The following MAP3K5 variants were observed in gnomAD, a reference collection of about 807,000 sequenced individuals.
MAP3K5 encodes the protein ASK-1.
MAP3K5 carries 56 observed loss-of-function variants against 158.7 expected under a neutral mutation model. That is an observed-to-expected ratio of 0.35 (90% CI 0.28 to 0.44). The LOEUF (loss-of-function observed/expected upper bound fraction) is 0.44, where lower values mean the gene tolerates loss of function less well. Ranked by LOEUF, MAP3K5 falls within the 20% of genes least tolerant of loss-of-function variation. The pLI, the probability that MAP3K5 is intolerant of heterozygous loss-of-function variation, is 1.00. For missense variants in MAP3K5, 1,294 were observed against 1,674.8 expected, an observed-to-expected ratio of 0.77 and a Z score of 3.97; for synonymous variants, 579 against 601.7, an observed-to-expected ratio of 0.96 and a Z score of 0.55.
intron 27 of MAP3K5, among the ~76,000 whole-genome samples, 178 bp downstream of exon 27, chr6:136,562,325 G>T (rs967329995): frequency 1.3e-5 from 2 of 151,844 alleles, no homozygotes; most frequent in African/African-American, 2.4e-5. Flanking sequence ...GCACTTATAA[G>T]AAATGAGTTT....
At chr6:136,690,715 C>A (rs759669937) in intron 7 of MAP3K5, among the ~76,000 whole-genome samples, 6 of 151,944 alleles carry the variant, frequency 3.9e-5, no homozygotes, top group Non-Finnish European at 7.4e-5. Context: ...GAATACATAT[C>A]CTATATTGGT....
intron 15 of MAP3K5, among the ~76,000 whole-genome samples, chr6:136,621,268 C>T (rs1230960598): frequency 6.6e-6 from 1 of 152,128 alleles, no homozygotes; most frequent in Admixed American, 6.5e-5. Context: ...TGATCTCCAG[C>T]ATTTTTAAAA....
At position 136,687,721 on chromosome 6, in the gene MAP3K5, A is replaced by G. The variant is rs1208947314; in HGVS notation, c.1253+6419T>C. 3.3e-5 allele frequency among the ~76,000 whole-genome samples: 5 copies of G among 152,342 alleles called. No individual in the cohort carries two copies. The East Asian group carries it at 9.6e-4, about 29-fold the overall frequency. On this transcript the variant is annotated intron_variant, in intron 7 of 29. Transcript: ENST00000359015. ...AAACGCCAATCAAAACCAAAATGAGATACCATCTCATGCCAGTTAGAACGG... is the reference window on the plus strand; with the variant it reads ...AAACGCCAATCAAAACCAAAATGAGGTACCATCTCATGCCAGTTAGAACGG...
At chr6:136,667,780 G>A (rs556190473) in intron 8 of MAP3K5, among the ~76,000 whole-genome samples, 1 of 151,834 alleles carries the variant, frequency 6.6e-6, no homozygotes, top group East Asian at 1.9e-4. Context: ...AAGTCTTGGG[G>A]GTCGAGGCTG....
At chr6:136,590,314 A>C (rs942385025) in intron 23 of MAP3K5, among the ~76,000 whole-genome samples, 2 of 152,114 alleles carry the variant, frequency 1.3e-5, no homozygotes, top group Non-Finnish European at 2.9e-5. Flanking sequence ...CAGAAAATGG[A>C]CTAAAACACA....
rs542365105 is a variant in MAP3K5, at chr6:136,754,627, G to A, written c.449-34038C>T. ...AGAAAAGAAAATCCTGTTTGAAGGT[G>A]GATTATAGGGCTCCCCCACCCTATG... On this transcript the variant is annotated intron_variant, in intron 1 of 29. Coordinates refer to ENST00000359015, the MANE Select transcript of MAP3K5 (RefSeq NM_005923.4). 1.4e-4 allele frequency among the ~76,000 whole-genome samples: 21 copies of A among 151,852 alleles called. No individual in the cohort carries two copies. The South Asian group carries it at 4.4e-3, about 32-fold the overall frequency.
At chr6:136,771,102 G>A (rs1479971138) in intron 1 of MAP3K5, among the ~76,000 whole-genome samples, 1 of 152,130 alleles carries the variant, frequency 6.6e-6, no homozygotes, top group East Asian at 1.9e-4. Context: ...CAGGTATGGA[G>A]AGTAGAGCAG....
intron 23 of MAP3K5, among the ~76,000 whole-genome samples, chr6:136,589,472 C>T (rs191761958): frequency 2.0e-5 from 3 of 152,196 alleles, no homozygotes; most frequent in African/African-American, 7.2e-5. Context: ...TCTCCTGGTG[C>T]ATATTTGGGA....
At chr6:136,617,276 A>T (rs1474744329) in intron 15 of MAP3K5, among the ~76,000 whole-genome samples, 1 of 152,238 alleles carries the variant, frequency 6.6e-6, no homozygotes, top group Admixed American at 6.5e-5. Context: ...GGATGGAATT[A>T]TAATTTGTTC....
rs891021514 is a variant in MAP3K5 at position 136,609,529 on chromosome 6, G to A, written c.2521+1753C>T. The stretch of plus-strand genomic sequence containing the variant: ...GAGTTCTGGCTAGGCGTGGGGGTTC[G>A]CACATGTAATCCCAGCACTTTGGGA... On this transcript the variant is annotated intron_variant, in intron 18 of 29. Coordinates refer to ENST00000359015, the MANE Select transcript of MAP3K5 (RefSeq NM_005923.4). The surrounding 1 kb of genome is among the most constrained non-coding windows in gnomAD (Gnocchi z 4.4). Among the ~76,000 whole-genome samples the A allele has an allele frequency of 1.3e-5, 2 of 152,006 alleles. No individual in the cohort carries two copies. Among genetic ancestry groups the A allele is most frequent in the Non-Finnish European group, 1.5e-5 (1 of 68,010 alleles).
At chr6:136,637,539 C>A in intron 13 of MAP3K5, 133 bp from the exon 14 acceptor site, 1 of 557,128 alleles carries the variant, frequency 1.8e-6, no homozygotes, top group Non-Finnish European at 3.2e-6. Context: ...AACACACTAT[C>A]AAGATCATGT....
At chr6:136,758,952 C>T (rs1300241455) in intron 1 of MAP3K5, among the ~76,000 whole-genome samples, 1 of 152,172 alleles carries the variant, frequency 6.6e-6, no homozygotes, top group Non-Finnish European at 1.5e-5. Flanking sequence ...GCAGGCAGAT[C>T]ACTTGAGGCC....
intron 18 of MAP3K5, among the ~76,000 whole-genome samples, chr6:136,607,737 CATTT>C (rs1442330672): frequency 2.0e-5 from 3 of 151,958 alleles, no homozygotes; most frequent in Non-Finnish European, 4.4e-5. Flanking sequence ...TTCACTCATT[CATTT>C]AACAGATCCA....
intron 19 of MAP3K5, among the ~76,000 whole-genome samples, chr6:136,603,520 G>A (rs1050935936): frequency 1.3e-5 from 2 of 151,904 alleles, no homozygotes; most frequent in Admixed American, 1.3e-4. Flanking sequence ...TGAGGAAACT[G>A]AGGCACAAGC....
chr6:136,645,398 C>T (rs1778203010), intron 11 of MAP3K5, among the ~76,000 whole-genome samples: 1 of 152,076 alleles, frequency 6.6e-6, no homozygotes, highest in Non-Finnish European at 1.5e-5. Context: ...CTGTGAGTGG[C>T]CACTGGCTGG....
intron 2 of MAP3K5, among the ~76,000 whole-genome samples, chr6:136,717,128 C>T (rs1310657498): frequency 6.6e-6 from 1 of 151,698 alleles, no homozygotes; most frequent in Non-Finnish European, 1.5e-5. Context: ...AATCAACTTC[C>T]TTCTCTCAAA....
At chr6:136,724,116 A>G (rs1781857106) in intron 1 of MAP3K5, among the ~76,000 whole-genome samples, 1 of 152,232 alleles carries the variant, frequency 6.6e-6, no homozygotes, top group Admixed American at 6.5e-5. Flanking sequence ...AGAGACATGC[A>G]AAGAAAAATA....
chr6:136,600,187 ATTTTT>A (rs907571176), intron 21 of MAP3K5, among the ~76,000 whole-genome samples: 2 of 132,738 alleles, frequency 1.5e-5, no homozygotes, highest in Non-Finnish European at 1.6e-5. Context: ...CATGCTGTTA[ATTTTT>A]TTTTTTTTTT....
At position 136,558,113 on chromosome 6, in the gene MAP3K5, G is replaced by A. The variant is rs540439149; in HGVS notation, c.4065-295C>T. Among the ~76,000 whole-genome samples the A allele has an allele frequency of 2.8e-3, 424 of 152,200 alleles. 2 individuals carry two copies. The highest frequency in any genetic ancestry group is 9.6e-3 in the African/African-American group (397 of 41,514). On this transcript the variant is annotated intron_variant, in intron 29 of 29. Coordinates refer to ENST00000359015, the MANE Select transcript of MAP3K5 (RefSeq NM_005923.4). ...TTATGCTTGGGCTGGGCGCGGTGGC[G>A]CATGCCTGTAATCCCAGCACTTTAG...
Sources: gnomAD v4.1 joint callset for allele counts (sites outside exome capture counted in the v4.1 genomes callset) on GRCh38, gnomAD v4.1.1 for gene constraint, Gnocchi (gnomAD v3.1) non-coding constraint, MANE v1.5 for transcripts, NCBI Gene and HGNC (gene_info 2026-07-23, HGNC 2026-07-21) for gene names.